The following IRAG1 variants were observed in gnomAD, a reference collection of about 807,000 sequenced individuals.
IRAG1 encodes the protein IP3R-associated cGMP kinase substrate.
In IRAG1, 62 loss-of-function variants were observed where a neutral mutation model predicts 106.2. The observed-to-expected ratio is 0.58, with a 90% CI of 0.48 to 0.72. IRAG1 has a LOEUF of 0.72. Ranked by LOEUF, IRAG1 falls within the 30% of genes least tolerant of loss-of-function variation. IRAG1 has a pLI of 0.00. For synonymous variants in IRAG1, 462 were observed against 443.9 expected (o/e 1.04, Z -0.51); for missense variants, 1,064 against 1,140.7 (o/e 0.93, Z 0.97).
intron 10 of IRAG1, among the ~76,000 whole-genome samples, chr11:10,619,867 G>A (rs555438412): frequency 2.0e-5 from 3 of 152,296 alleles, no homozygotes; most frequent in African/African-American, 7.2e-5. Context: ...AGTGTATATT[G>A]TTGGACACTG....
chr11:10,582,777 G>A (rs1276163618), intron 18 of IRAG1, among the ~76,000 whole-genome samples: 2 of 152,166 alleles, frequency 1.3e-5, no homozygotes. Context: ...CCAACATGGT[G>A]AAACCCCATC....
chr11:10,668,424 T>A (rs1295678761), intron 1 of IRAG1, among the ~76,000 whole-genome samples: 1 of 152,254 alleles, frequency 6.6e-6, no homozygotes, highest in Admixed American at 6.5e-5. Flanking sequence ...GGCATTCCTC[T>A]AACACAGAGT....
chr11:10,658,491 T>C (rs1249361170), intron 1 of IRAG1: 1 of 153,776 alleles, frequency 6.5e-6, no homozygotes, highest in Admixed American at 6.5e-5. Context: ...CTGAGTTCTC[T>C]AAGCATGCAC....
In IRAG1 at chr11:10,593,527, G is replaced by T. The variant is rs1428981556; in HGVS notation, c.2140C>A (p.Pro714Thr). 6.2e-7 allele frequency: 1 copy of T among 1,613,822 alleles called. No homozygotes were observed. The highest frequency in any genetic ancestry group is 2.2e-5 in the East Asian group (1 of 44,878). The stretch of plus-strand genomic sequence containing the variant: ...AAGGAGGGAATGGATGATGAGCTGG[G>T]AGTTTGGCCAGGCAGATTCAGGGCA... ...FNALNLPGQTPSSSSIPSLPA... is the reference protein window; with the variant it reads ...FNALNLPGQTTSSSSIPSLPA... Residue 714 changes from proline to threonine, a missense_variant, in exon 17 of 21, where the codon CCC (proline) becomes ACC (threonine). Coordinates refer to ENST00000423302, the MANE Select transcript of IRAG1 (RefSeq NM_130385.4).
intron 10 of IRAG1, among the ~76,000 whole-genome samples, chr11:10,622,370 G>A (rs1180237289): frequency 2.0e-5 from 3 of 152,178 alleles, no homozygotes; most frequent in African/African-American, 7.2e-5. Flanking sequence ...GGAAGAGCCA[G>A]GAGCCTGGCC....
chr11:10,606,248 A>G (rs1354954433), intron 12 of IRAG1, among the ~76,000 whole-genome samples: 1 of 152,158 alleles, frequency 6.6e-6, no homozygotes, highest in Non-Finnish European at 1.5e-5. Flanking sequence ...CCGCTGGGAC[A>G]AGGAGGCCCC....
At chr11:10,667,022 A>G (rs1859836560) in intron 1 of IRAG1, among the ~76,000 whole-genome samples, 1 of 152,184 alleles carries the variant, frequency 6.6e-6, no homozygotes, top group Non-Finnish European at 1.5e-5. Context: ...TCCTGTGCCC[A>G]CAGTTGGTAT....
chr11:10,656,658 A>G (rs763536904), intron 1 of IRAG1, among the ~76,000 whole-genome samples: 8 of 152,134 alleles, frequency 5.3e-5, no homozygotes, highest in Admixed American at 2.6e-4. Context: ...TTTAACCCCC[A>G]TGAGATAGGT....
chr11:10,605,178 T>C (rs1271252097), intron 12 of IRAG1, among the ~76,000 whole-genome samples: 1 of 152,186 alleles, frequency 6.6e-6, no homozygotes, highest in Non-Finnish European at 1.5e-5. Flanking sequence ...AAAGATAATA[T>C]TGGTCATACA....
intron 9 of IRAG1, 44 bp downstream of exon 9, chr11:10,625,922 T>C (rs1856207771): frequency 1.4e-6 from 2 of 1,399,570 alleles, no homozygotes; most frequent in African/African-American, 1.5e-5. Flanking sequence ...GCCCAGGGAG[T>C]ACCTGGAGTA....
At chr11:10,581,784 C>T in intron 19 of IRAG1, 83 bp downstream of exon 19, 1 of 1,530,754 alleles carries the variant, frequency 6.5e-7, no homozygotes. Context: ...TTCCCTAAAG[C>T]CTCTAAGAAA....
In IRAG1 at chr11:10,575,106, G is replaced by A. The variant is rs1288574637; in HGVS notation, c.*1226C>T. The A allele has an allele frequency of 3.3e-5, 5 of 152,160 alleles. No homozygotes were observed. The highest frequency in any genetic ancestry group is 7.3e-5 in the Non-Finnish European group (5 of 68,030). 9.4% of individuals were successfully genotyped at this position (152,160 alleles called of 1,614,324 possible). A position where few individuals can be genotyped will look rare whatever the true frequency, so the allele number is the denominator to read the frequency against. On this transcript the variant is annotated 3_prime_UTR_variant, in exon 21 of 21. Coordinates refer to ENST00000423302, the MANE Select transcript of IRAG1 (RefSeq NM_130385.4). Reference sequence around the variant, plus strand: ...AAACAATGACAACAAAACCCACATGGAAATCAAACCTCTACAAAACTGATG... The same window carrying A: ...AAACAATGACAACAAAACCCACATGAAAATCAAACCTCTACAAAACTGATG...
intron 20 of IRAG1, among the ~76,000 whole-genome samples, chr11:10,578,179 A>C (rs1851020953): frequency 6.6e-6 from 1 of 152,196 alleles, no homozygotes; most frequent in South Asian, 2.1e-4. Context: ...TTAGAAATAG[A>C]ATTTCTTTAG....
intron 10 of IRAG1, among the ~76,000 whole-genome samples, chr11:10,614,035 T>C (rs1466206791): frequency 1.3e-5 from 2 of 152,152 alleles, no homozygotes; most frequent in Non-Finnish European, 2.9e-5. Context: ...CGGGCCACCC[T>C]ATAGCCTAGG....
chr11:10,642,671 T>A lies in IRAG1; in HGVS notation c.226-8600A>T, dbSNP rs570361981. On this transcript the variant is annotated intron_variant, in intron 2 of 20. Transcript: ENST00000423302. ...GGTCTAAAACATTACATAGAGCTAA[T>A]AATCACTATTCTCTAGGCTTGTTTT... 5.9e-5 allele frequency among the ~76,000 whole-genome samples: 9 copies of A among 152,370 alleles called. No homozygotes were observed. The South Asian group carries it at 1.9e-3, about 32-fold the overall frequency.
chr11:10,590,699 G>A (rs1170340254), intron 18 of IRAG1, among the ~76,000 whole-genome samples: 1 of 152,196 alleles, frequency 6.6e-6, no homozygotes, highest in Non-Finnish European at 1.5e-5. Flanking sequence ...AAAATCCTCT[G>A]AGTGCATAGA....
intron 1 of IRAG1, among the ~76,000 whole-genome samples, chr11:10,656,370 G>A (rs1017631677): frequency 2.0e-5 from 3 of 152,182 alleles, no homozygotes; most frequent in Non-Finnish European, 2.9e-5. Flanking sequence ...TTTACAGGCC[G>A]GGAAACTGAG....
rs1850809666 is a variant in IRAG1, at chr11:10,576,338, C to T, written c.2733G>A (p.Glu911=). 6.2e-7 allele frequency: 1 copy of T among 1,613,680 alleles called. No individual in the cohort carries two copies. Among genetic ancestry groups the T allele is most frequent in the South Asian group, 1.1e-5 (1 of 91,068 alleles). ...TGGCTAGGTGTGAGGTTTCCTACTG[C>T]TCTGTAGGCTGCTCATGCTGGAGTC... is the stretch of plus-strand genomic sequence containing the variant. ...SSGLQHEQPT[E]Q The change falls in exon 21 of 21, where the codon GAG becomes GAA. Residue 911 remains glutamate, a synonymous_variant. Transcript: ENST00000423302.
intron 2 of IRAG1, among the ~76,000 whole-genome samples, chr11:10,636,653 G>T (rs573279489): frequency 6.6e-6 from 1 of 152,342 alleles, no homozygotes; most frequent in African/African-American, 2.4e-5. Context: ...TCAAGCAAGG[G>T]ATACAGGGAA....
Sources: allele counts gnomAD v4.1 joint callset (sites outside exome capture counted in the v4.1 genomes callset), GRCh38; gene constraint gnomAD v4.1.1; transcripts MANE v1.5; gene names NCBI Gene and HGNC (gene_info 2026-07-23, HGNC 2026-07-21).